GMDS: variants seen among roughly 807,000 people sequenced by gnomAD.
The protein encoded by GMDS is GDP-mannose 4,6 dehydratase.
A neutral mutation model predicts 49.9 loss-of-function variants in GMDS; 20 were observed. The ratio of observed to expected loss-of-function variants is 0.40; its 90% CI spans 0.28 to 0.58. GMDS has a LOEUF of 0.58. Ranked by LOEUF, GMDS falls within the 20% of genes least tolerant of loss-of-function variation. GMDS has a pLI of 0.42. For synonymous variants in GMDS, 177 were observed against 178.6 expected (o/e 0.99, Z 0.07); for missense variants, 362 against 481.4 (o/e 0.75, Z 2.32).
intron 9 of GMDS, among the ~76,000 whole-genome samples, chr6:1,689,163 T>C (rs894915067): frequency 2.0e-5 from 3 of 152,170 alleles, no homozygotes; most frequent in Non-Finnish European, 4.4e-5. Flanking sequence ...TTAACCATGG[T>C]AGAGTTGCAG....
At chr6:1,947,655 C>G (rs191060439) in intron 6 of GMDS, among the ~76,000 whole-genome samples, 2 of 152,304 alleles carry the variant, frequency 1.3e-5, no homozygotes, top group African/African-American at 4.8e-5. Flanking sequence ...AGACGCAAAC[C>G]TTCTGAAACA....
intron 9 of GMDS, among the ~76,000 whole-genome samples, chr6:1,638,513 C>CCCCCCAA (rs1192261867): frequency 7.0e-6 from 1 of 143,114 alleles, no homozygotes; most frequent in African/African-American, 2.6e-5. Context: ...TATGCCCCAC[C>CCCCCCAA]CCCCCAACCC....
intron 9 of GMDS, among the ~76,000 whole-genome samples, chr6:1,715,781 C>T (rs557254748): frequency 1.4e-3 from 218 of 152,330 alleles, no homozygotes; most frequent in African/African-American, 5.1e-3. Context: ...GCTAGTAGGA[C>T]ATATTCAAAC....
chr6:1,731,086 T>C (rs1766785775), intron 8 of GMDS, among the ~76,000 whole-genome samples: 1 of 152,100 alleles, frequency 6.6e-6, no homozygotes, highest in African/African-American at 2.4e-5. Context: ...AAAGAAATAA[T>C]GTGAAACACA....
At chr6:2,007,393 T>C (rs983370040) in intron 4 of GMDS, among the ~76,000 whole-genome samples, 3 of 152,158 alleles carry the variant, frequency 2.0e-5, no homozygotes, top group Admixed American at 2.0e-4. Flanking sequence ...ATGCCACTCT[T>C]TCACAATTCT....
intron 1 of GMDS, among the ~76,000 whole-genome samples, chr6:2,210,022 T>C (rs956103666): frequency 1.3e-5 from 2 of 152,214 alleles, no homozygotes; most frequent in African/African-American, 2.4e-5. Context: ...GTGAAAAAGA[T>C]AATCACTATT....
At chr6:1,951,331 A>G (rs1030983238) in intron 6 of GMDS, among the ~76,000 whole-genome samples, 9 of 152,236 alleles carry the variant, frequency 5.9e-5, no homozygotes, top group African/African-American at 1.7e-4. Flanking sequence ...CCACAAGTTC[A>G]TGAACCTTAA....
At chr6:1,645,888 G>T (rs756402721) in intron 9 of GMDS, among the ~76,000 whole-genome samples, 4 of 152,176 alleles carry the variant, frequency 2.6e-5, no homozygotes, top group South Asian at 2.1e-4. Context: ...ACAATCTGTG[G>T]TTATTTTGCC....
chr6:1,782,553 T>C (rs551742894), intron 7 of GMDS, among the ~76,000 whole-genome samples: 19 of 152,352 alleles, frequency 1.2e-4, no homozygotes, highest in African/African-American at 4.6e-4. Context: ...ACAAATTTCG[T>C]ATTACCCATA....
At chr6:2,235,429 T>C (rs957838651) in intron 1 of GMDS, among the ~76,000 whole-genome samples, 1 of 152,132 alleles carries the variant, frequency 6.6e-6, no homozygotes, top group African/African-American at 2.4e-5. Context: ...AGCACCCAAA[T>C]CCAGGTCTTA....
At chr6:2,054,754 G>A (rs1253183431) in intron 4 of GMDS, among the ~76,000 whole-genome samples, 2 of 151,148 alleles carry the variant, frequency 1.3e-5, no homozygotes, top group South Asian at 2.1e-4. Flanking sequence ...TTACCCAGGG[G>A]GGGAAAAAAA....
intron 1 of GMDS, among the ~76,000 whole-genome samples, chr6:2,201,875 A>G (rs540019744): frequency 1.5e-5 from 2 of 137,728 alleles, no homozygotes; most frequent in East Asian, 2.3e-4. Flanking sequence ...AGATGAAACC[A>G]TCTAGGCAGT....
chr6:2,065,404 T>C (rs1052726342), intron 4 of GMDS, among the ~76,000 whole-genome samples: 45 of 152,180 alleles, frequency 3.0e-4, no homozygotes, highest in African/African-American at 6.7e-4. Flanking sequence ...TCACCAGCAA[T>C]GGAACAAAGC....
intron 7 of GMDS, among the ~76,000 whole-genome samples, chr6:1,911,974 G>T (rs1240992067): frequency 6.6e-6 from 1 of 152,026 alleles, no homozygotes; most frequent in East Asian, 1.9e-4. Context: ...AAAAATAATA[G>T]GTCTGAGGCT....
intron 4 of GMDS, among the ~76,000 whole-genome samples, chr6:1,988,564 A>C (rs2127358629): frequency 1.3e-5 from 2 of 152,252 alleles, no homozygotes; most frequent in South Asian, 4.2e-4. Flanking sequence ...TCCCGGTAGA[A>C]TAACCCTCCA....
chr6:1,671,763 C>T (rs11757946), intron 9 of GMDS, among the ~76,000 whole-genome samples: 26,062 of 148,764 alleles, frequency 0.18, 2,529 homozygotes, highest in African/African-American at 0.27. Context: ...CCCCCGGGTT[C>T]AACTGATTCT....
chr6:1,877,492 G>C (rs1050683163), intron 7 of GMDS, among the ~76,000 whole-genome samples: 3 of 151,852 alleles, frequency 2.0e-5, no homozygotes, highest in African/African-American at 7.3e-5. Context: ...ATAAAAATTA[G>C]CCAGGCGTGA....
intron 4 of GMDS, among the ~76,000 whole-genome samples, chr6:2,080,588 C>G (rs776322940): frequency 9.9e-5 from 15 of 152,258 alleles, no homozygotes; most frequent in Admixed American, 2.6e-4. Flanking sequence ...TACACAGCAC[C>G]AGTTATCTGT....
At chr6:2,202,310 C>T (rs144570125) in intron 1 of GMDS, among the ~76,000 whole-genome samples, 32 of 108,432 alleles carry the variant, frequency 3.0e-4, no homozygotes, top group African/African-American at 8.1e-4. Context: ...AGCAGAGAGG[C>T]GAAGGATGAA....
Sources: allele counts gnomAD v4.1 joint callset (sites outside exome capture counted in the v4.1 genomes callset), GRCh38; gene constraint gnomAD v4.1.1; transcripts MANE v1.5; gene names NCBI Gene and HGNC (gene_info 2026-07-23, HGNC 2026-07-21).